The following RCOR3 variants were observed in gnomAD, a reference collection of about 807,000 sequenced individuals.
RCOR3 encodes REST corepressor 3.
A neutral mutation model predicts 64.1 loss-of-function variants in RCOR3; 13 were observed. That is an observed-to-expected ratio of 0.20 (90% CI 0.13 to 0.32). The LOEUF is 0.32. Among genes scored for constraint, RCOR3 ranks in the 10% least tolerant of loss-of-function variants. The pLI is 1.00. For synonymous variants in RCOR3, 215 were observed against 239.0 expected (o/e 0.90, Z 0.93); for missense variants, 489 against 701.2 (o/e 0.70, Z 3.42).
chr1:211,313,717 G>T lies in RCOR3; in HGVS notation c.1611G>T (p.Gln537His), dbSNP rs778796687. ...RPVLSTVGGQ[Q>H]PPSLIGIQTD... ...TGTTGTCCACGGTTGGTGGTCAACAGCCACCATCACTTATTGGAATTCAGA... is the reference window on the plus strand; with the variant it reads ...TGTTGTCCACGGTTGGTGGTCAACATCCACCATCACTTATTGGAATTCAGA... Residue 537 changes from glutamine to histidine, a missense_variant, in exon 12 of 12, where the codon CAG becomes CAT. This residue lies in a region of RCOR3 where 402 missense variants were observed against 617.0 expected (regional missense o/e 0.65). Transcript: ENST00000419091. This position sits in a 1 kb window ranked among gnomAD's most constrained non-coding sequence, Gnocchi z 4.7. 1.3e-5 allele frequency: 21 copies of T among 1,614,172 alleles called. No homozygotes were observed. Among genetic ancestry groups the T allele is most frequent in the Non-Finnish European group, 1.6e-5 (19 of 1,180,020 alleles).
At chr1:211,300,760 A>G (rs1300392745) in intron 9 of RCOR3, among the ~76,000 whole-genome samples, 1 of 152,226 alleles carries the variant, frequency 6.6e-6, no homozygotes, top group Non-Finnish European at 1.5e-5. Context: ...AGTGCTGGCA[A>G]TTCTGCTTAC....
At chr1:211,267,347 A>G (rs1470165176) in intron 2 of RCOR3, among the ~76,000 whole-genome samples, 1 of 152,224 alleles carries the variant, frequency 6.6e-6, no homozygotes. Context: ...TACTTCCTGT[A>G]TCAGTCATCT....
chr1:211,282,789 G>A (rs774234834), intron 7 of RCOR3, among the ~76,000 whole-genome samples: 4 of 152,144 alleles, frequency 2.6e-5, no homozygotes, highest in Admixed American at 6.5e-5. Flanking sequence ...GTGAGCCACC[G>A]TGCCCGGCCT....
At position 211,279,335 on chromosome 1, in the gene RCOR3, A is replaced by G. The variant is rs1167561520; in HGVS notation, c.720+19A>G. 6.4e-7 allele frequency: 1 copy of G among 1,554,916 alleles called. No individual in the cohort carries two copies. Among genetic ancestry groups the G allele is most frequent in the Non-Finnish European group, 8.9e-7 (1 of 1,128,832 alleles). On this transcript the variant is annotated intron_variant, in intron 7 of 11. Transcript: ENST00000419091. Reference sequence around the variant, plus strand: ...AAAAGAGGTAATGATGATCACTAGAAGTACTTGTGATTGTTCTACAAATCT... The same window carrying G: ...AAAAGAGGTAATGATGATCACTAGAGGTACTTGTGATTGTTCTACAAATCT...
Position 211,313,637 on chromosome 1 carries a change from C to T in RCOR3, c.1531C>T (p.Pro511Ser). The change falls in exon 12 of 12, where the codon CCA becomes TCA. Residue 511 changes from proline (P) to serine (S), a missense_variant. Physicochemically the swap from Pro to Ser is moderately conservative, Grantham distance 74. This residue lies in a region of RCOR3 where 402 missense variants were observed against 617.0 expected (regional missense o/e 0.65). Transcript: ENST00000419091. The surrounding 1 kb of genome is among the most constrained non-coding windows in gnomAD (Gnocchi z 4.7). ...CCGGCCAACTTTAAATCAGCCTCCACCACCTCTTATTCGCCCTGCTAATTC... is the reference window on the plus strand; with the variant it reads ...CCGGCCAACTTTAAATCAGCCTCCATCACCTCTTATTCGCCCTGCTAATTC... ...QPRPTLNQPP[P>S]PLIRPANSMP... is the part of the protein sequence containing the mutation. 3 of 1,614,240 alleles carry T rather than the reference C, an allele frequency of 1.9e-6. No individual in the cohort carries two copies. The highest frequency in any genetic ancestry group is 2.5e-6 in the Non-Finnish European group (3 of 1,180,052).
chr1:211,273,635 C>T (rs7542958), intron 3 of RCOR3, among the ~76,000 whole-genome samples: 4,234 of 152,132 alleles, frequency 0.028, 206 homozygotes, highest in African/African-American at 0.095. Context: ...GGCTTAATTA[C>T]GTATGGAAGA....
chr1:211,288,251 A>G (rs1295635020), intron 7 of RCOR3, among the ~76,000 whole-genome samples: 1 of 151,876 alleles, frequency 6.6e-6, no homozygotes, highest in African/African-American at 2.4e-5. Context: ...ATTCATTGAA[A>G]TAATCTTCAA....
At chr1:211,259,878 C>T in intron 1 of RCOR3, 152 bp downstream of exon 1, 1 of 1,085,664 alleles carries the variant, frequency 9.2e-7, no homozygotes, top group South Asian at 1.7e-5. Flanking sequence ...GCAGCAGCAC[C>T]CCCGCGACCC....
At chr1:211,306,775 CTT>C (rs1700891383) in intron 10 of RCOR3, among the ~76,000 whole-genome samples, 1 of 152,142 alleles carries the variant, frequency 6.6e-6, no homozygotes, top group South Asian at 2.1e-4. Flanking sequence ...TTCTTTCTCT[CTT>C]AATCAGAAGA....
At chr1:211,307,487 AAAAGAATTT>A (rs1204165238) in intron 10 of RCOR3, among the ~76,000 whole-genome samples, 4 of 9,166 alleles carry the variant, frequency 4.4e-4, no homozygotes, top group African/African-American at 1.1e-3. Context: ...ACTCAAAAAA[AAAAGAATTT>A]AAAAGAATTT....
chr1:211,279,555 T>A (rs576363378), intron 7 of RCOR3, among the ~76,000 whole-genome samples: 3 of 152,368 alleles, frequency 2.0e-5, no homozygotes, highest in African/African-American at 4.8e-5. Context: ...TTGCTAGTTA[T>A]GTGACCTCAT....
chr1:211,295,403 G>C (rs1330486374), intron 8 of RCOR3, among the ~76,000 whole-genome samples: 1 of 152,172 alleles, frequency 6.6e-6, no homozygotes, highest in African/African-American at 2.4e-5. Context: ...ATGTATGCCA[G>C]TTGTCTTTGG....
chr1:211,295,789 TGAAA>T (rs767501480), intron 9 of RCOR3, 36 bp downstream of exon 9: 12 of 1,576,422 alleles, frequency 7.6e-6, no homozygotes, highest in Non-Finnish European at 1.0e-5. Flanking sequence ...TTAAGTATAG[TGAAA>T]ACTTGTTTTT....
At chr1:211,264,873 T>A (rs946842571) in intron 2 of RCOR3, among the ~76,000 whole-genome samples, 2 of 152,218 alleles carry the variant, frequency 1.3e-5, no homozygotes, top group African/African-American at 4.8e-5. Context: ...TCCCAACGTT[T>A]ATTTAGTGCC....
intron 8 of RCOR3, among the ~76,000 whole-genome samples, chr1:211,292,800 T>C (rs1699393805): frequency 6.6e-6 from 1 of 151,956 alleles, no homozygotes; most frequent in African/African-American, 2.4e-5. Flanking sequence ...TACAAAGATG[T>C]CTTGGCCGGG....
In RCOR3 at chr1:211,286,365, TG is replaced by T. The variant is rs1202028801; in HGVS notation, c.721-2811del. ...CTTTGTCACCCAGGCTGGAGTGCAG[TG>T]GCGTGATCTCGGCTCACTGCAACCT... is the stretch of plus-strand genomic sequence containing the variant. On this transcript the variant is annotated intron_variant, in intron 7 of 11. Coordinates refer to ENST00000419091, the MANE Select transcript of RCOR3 (RefSeq NM_001136223.3). 4.6e-5 allele frequency among the ~76,000 whole-genome samples: 7 copies of T among 151,330 alleles called. No individual in the cohort carries two copies. In the South Asian group the frequency reaches 8.4e-4, roughly 18 times the overall value.
intron 2 of RCOR3, among the ~76,000 whole-genome samples, chr1:211,262,177 A>G (rs961161503): frequency 8.1e-5 from 12 of 149,022 alleles, no homozygotes; most frequent in Non-Finnish European, 1.8e-4. Context: ...AGCTGGGACT[A>G]CAGGCACACG....
At chr1:211,267,812 C>T (rs538476880) in intron 2 of RCOR3, 28 of 350,862 alleles carry the variant, frequency 8.0e-5, no homozygotes, top group African/African-American at 6.1e-4. Flanking sequence ...AGGCTGGTCT[C>T]AAACTCCGGG....
intron 10 of RCOR3, among the ~76,000 whole-genome samples, chr1:211,307,844 T>C (rs1371147723): frequency 1.3e-5 from 2 of 151,660 alleles, no homozygotes; most frequent in Non-Finnish European, 2.9e-5. Context: ...ATTTTTTATA[T>C]TTAGTTATTT....
Sources: allele counts gnomAD v4.1 joint callset (sites outside exome capture counted in the v4.1 genomes callset), GRCh38; gene constraint gnomAD v4.1.1; regional missense constraint gnomAD v4.1.1; non-coding constraint Gnocchi (gnomAD v3.1); transcripts MANE v1.5; gene names NCBI Gene and HGNC (gene_info 2026-07-23, HGNC 2026-07-21).